CATSPER2: variants seen among roughly 807,000 people sequenced by gnomAD.
CATSPER2 encodes cation channel sperm-associated protein 2.
CATSPER2 carries 56 observed loss-of-function variants against 68.8 expected under a neutral mutation model. The observed-to-expected ratio is 0.81, with a 90% CI of 0.66 to 1.02. The LOEUF (loss-of-function observed/expected upper bound fraction) is 1.02. Among genes scored for constraint, CATSPER2 ranks in the 50% least tolerant of loss-of-function variants. CATSPER2 has a pLI of 0.00. For synonymous variants in CATSPER2, 198 were observed against 229.9 expected, an observed-to-expected ratio of 0.86 and a Z score of 1.26; for missense variants, 582 against 642.0, an observed-to-expected ratio of 0.91 and a Z score of 1.01.
In CATSPER2 at chr15:43,635,407, G is replaced by A; in HGVS notation, c.1131C>T (p.Asn377=). ...FKRQIIQRRK[N]MSHEALTSSH... Reference sequence around the variant, plus strand: ...TTGACGTCAGTGCTTCATGTGACATGTTTTTTCTCCTGCAGAGCAAAAAAA... The same window carrying A: ...TTGACGTCAGTGCTTCATGTGACATATTTTTTCTCCTGCAGAGCAAAAAAA... Residue 377 remains asparagine, a synonymous_variant, in exon 10 of 13, where the codon AAC becomes AAT. Coordinates refer to ENST00000396879, the MANE Select transcript of CATSPER2 (RefSeq NM_172095.4). 2 of 1,604,330 alleles carry A rather than the reference G, an allele frequency of 1.2e-6. No homozygotes were observed. The highest frequency in any genetic ancestry group is 1.7e-6 in the Non-Finnish European group (2 of 1,177,856).
rs1382744862 is a variant in CATSPER2 at position 43,636,128 on chromosome 15, C to A, written c.934G>T (p.Val312Phe). Residue 312 changes from valine to phenylalanine, a missense_variant, in exon 8 of 13, where the codon GTC (valine) becomes TTC (phenylalanine). Coordinates refer to ENST00000396879, the MANE Select transcript of CATSPER2 (RefSeq NM_172095.4). ...TAGATGCTGCTGAAGATGCGACTGA[C>A]TTCAGGCACCTTCCAGACGTCCTGA... ...LLQDVWKVPEVSRIFSSIYFI... is the reference protein window; with the variant it reads ...LLQDVWKVPEFSRIFSSIYFI... The A allele has an allele frequency of 2.5e-6, 4 of 1,605,646 alleles. No homozygotes were observed. Among genetic ancestry groups the A allele is most frequent in the Non-Finnish European group, 2.6e-6 (3 of 1,174,172 alleles).
At chr15:43,634,934 A>C (rs1341091208) in intron 10 of CATSPER2, 2 of 224,106 alleles carry the variant, frequency 8.9e-6, no homozygotes, top group African/African-American at 4.7e-5. Context: ...TTAGGGGAGA[A>C]GTTCCTTGCC....
intron 7 of CATSPER2, 138 bp downstream of exon 7, chr15:43,638,766 T>C: frequency 3.9e-6 from 4 of 1,031,310 alleles, no homozygotes; most frequent in Non-Finnish European, 5.9e-6. Flanking sequence ...TTTTGCTTTC[T>C]CTTTCCCTCT....
chr15:43,634,191 A>T (rs1210267838), intron 10 of CATSPER2: 1 of 151,438 alleles, frequency 6.6e-6, no homozygotes, highest in Non-Finnish European at 1.5e-5. Context: ...GCACCTACTA[A>T]GTATTCAATA....
intron 4 of CATSPER2, among the ~76,000 whole-genome samples, chr15:43,644,788 T>A (rs1201167592): frequency 7.2e-5 from 11 of 152,030 alleles, no homozygotes; most frequent in East Asian, 1.9e-4. Context: ...CAGTCCCTGA[T>A]GCCAAAAAGG....
In CATSPER2 at chr15:43,632,626, T is replaced by C. The variant is rs1227829642; in HGVS notation, c.1396+91A>G. On this transcript the variant is annotated intron_variant, in intron 11 of 12. Coordinates refer to ENST00000396879, the MANE Select transcript of CATSPER2 (RefSeq NM_172095.4). ...AGACCAGAAAATTGGAAAGGAGATA[T>C]ACTAGGAGAGCTCCTGTTAAGACTA... is the stretch of plus-strand genomic sequence containing the variant. 6 of 1,606,076 alleles carry C rather than the reference T, an allele frequency of 3.7e-6. No individual in the cohort carries two copies. The East Asian group carries it at 6.7e-5, about 18-fold the overall frequency.
chr15:43,642,178 C>A (rs2086086489), intron 4 of CATSPER2, among the ~76,000 whole-genome samples: 1 of 151,522 alleles, frequency 6.6e-6, no homozygotes, highest in Non-Finnish European at 1.5e-5. Context: ...CAGCTCACTG[C>A]AACCTCCGCC....
rs1198247094 is a variant in CATSPER2, at chr15:43,636,225, G to A, written c.843-6C>T. ...CCAGGGAATTCGGGAGGTCCCTAAA[G>A]AAAAAGACATGTGAATAGACAGAAG... On this transcript the variant is annotated splice_region_variant and splice_polypyrimidine_tract_variant and intron_variant, in intron 7 of 12. Coordinates refer to ENST00000396879, the MANE Select transcript of CATSPER2 (RefSeq NM_172095.4). 2.5e-6 allele frequency: 4 copies of A among 1,613,194 alleles called. No individual in the cohort carries two copies. The highest frequency in any genetic ancestry group is 4.5e-5 in the East Asian group (2 of 44,854).
intron 4 of CATSPER2, 31 bp downstream of exon 4, chr15:43,647,019 A>T: frequency 6.3e-7 from 1 of 1,584,740 alleles, no homozygotes; most frequent in Non-Finnish European, 8.7e-7. Context: ...GCCCGGCCTC[A>T]CTTCCTCTTT....
rs1464555864 is a variant in CATSPER2, at chr15:43,632,788, G to A, written c.1325C>T (p.Ser442Phe). The A allele has an allele frequency of 1.2e-6, 2 of 1,613,640 alleles. No individual in the cohort carries two copies. Among genetic ancestry groups the A allele is most frequent in the East Asian group, 4.5e-5 (2 of 44,882 alleles). The change falls in exon 11 of 13, where the codon TCT becomes TTT. Residue 442 changes from serine (S) to phenylalanine (F), a missense_variant. Coordinates refer to ENST00000396879, the MANE Select transcript of CATSPER2 (RefSeq NM_172095.4). ...GGATGTGGAGGAGACACAGGAGGAA[G>A]ACTGGTACTCTCTCTTTTTTGACAA... ...ETLSKKREYQ[S>F]SSCVSSTSSS...
intron 1 of CATSPER2, 76 bp downstream of exon 1, chr15:43,648,553 G>A (rs1043840687): frequency 5.8e-5 from 75 of 1,290,306 alleles, no homozygotes; most frequent in East Asian, 1.4e-4. Flanking sequence ...AATGGGTCCC[G>A]TCCCAAGTGT....
rs541462702 is a variant in CATSPER2 at position 43,637,382 on chromosome 15, A to G, written c.843-1163T>C. ...ATTACTAAAAAAGTAAAAAGTTTCC[A>G]GGGAGGTATCTAAATTTTCCTACCT... On this transcript the variant is annotated intron_variant, in intron 7 of 12. Transcript: ENST00000396879. Among the ~76,000 whole-genome samples, 48 of 152,032 alleles carry G rather than the reference A, an allele frequency of 3.2e-4. 1 individual carries two copies. Among genetic ancestry groups the G allele is most frequent in the South Asian group, 8.3e-4 (4 of 4,814 alleles).
chr15:43,636,896 C>T (rs1017481358), intron 7 of CATSPER2, among the ~76,000 whole-genome samples: 7 of 150,650 alleles, frequency 4.6e-5, no homozygotes, highest in Non-Finnish European at 8.9e-5. Flanking sequence ...GATCTCAGCT[C>T]ACTTCAACCT....
Position 43,630,227 on chromosome 15 carries a change from TC to T in CATSPER2, c.*473del. 2 of 203,484 alleles carry T rather than the reference TC, an allele frequency of 9.8e-6. No homozygotes were observed. The highest frequency in any genetic ancestry group is 1.0e-5 in the Non-Finnish European group (1 of 98,570). The allele number at this position is 203,484 out of a possible 1,614,324, so 12.6% of individuals were successfully genotyped here. On this transcript the variant is annotated 3_prime_UTR_variant, in exon 13 of 13. Coordinates refer to ENST00000396879, the MANE Select transcript of CATSPER2 (RefSeq NM_172095.4). ...GCCTCGAACTCCCTGCCTCAAACAA[TC>T]CTGCCTCAGCCCATAGCTGGGACTA...
intron 10 of CATSPER2, chr15:43,634,000 C>T (rs2085922824): frequency 3.3e-5 from 5 of 151,556 alleles, no homozygotes; most frequent in Admixed American, 3.3e-4. Flanking sequence ...TTTGCAATCC[C>T]ACCTTCTACT....
rs556958956 is a variant in CATSPER2, at chr15:43,640,091, T to C, written c.561+233A>G. ...AAAATAATGCTTGGCACTTAGTAAG[T>C]GCTCAGTAACCGGCAGATGCTCTTG... On this transcript the variant is annotated intron_variant, in intron 5 of 12. Coordinates refer to ENST00000396879, the MANE Select transcript of CATSPER2 (RefSeq NM_172095.4). 2.8e-6 allele frequency: 4 copies of C among 1,439,570 alleles called. No individual in the cohort carries two copies. The East Asian group carries it at 7.6e-5, about 27-fold the overall frequency. 89.2% of individuals were successfully genotyped at this position (1,439,570 alleles called of 1,614,324 possible). A position where few individuals can be genotyped will look rare whatever the true frequency, so the allele number is the denominator to read the frequency against.
At chr15:43,646,215 T>C (rs989796244) in intron 4 of CATSPER2, among the ~76,000 whole-genome samples, 1 of 151,580 alleles carries the variant, frequency 6.6e-6, no homozygotes, top group African/African-American at 2.4e-5. Context: ...GTTATATTGC[T>C]ACATATTACA....
At chr15:43,645,423 C>T (rs982038369) in intron 4 of CATSPER2, among the ~76,000 whole-genome samples, 13 of 151,882 alleles carry the variant, frequency 8.6e-5, no homozygotes, top group African/African-American at 3.1e-4. Flanking sequence ...AGGCACTGGA[C>T]ATTTCTGTTG....
intron 10 of CATSPER2, chr15:43,634,162 T>C (rs1281047167): frequency 2.0e-5 from 3 of 151,984 alleles, no homozygotes; most frequent in African/African-American, 7.2e-5. Context: ...GTCTATTTTG[T>C]TCACTGATAA....
Sources: allele counts gnomAD v4.1 joint callset (sites outside exome capture counted in the v4.1 genomes callset), GRCh38; gene constraint gnomAD v4.1.1; transcripts MANE v1.5; gene names NCBI Gene and HGNC (gene_info 2026-07-23, HGNC 2026-07-21).